NCOA1: variants seen among roughly 807,000 people sequenced by gnomAD.
NCOA1 encodes nuclear receptor coactivator 1, also known as Hin-2 protein.
A neutral mutation model predicts 150.9 loss-of-function variants in NCOA1; 35 were observed. The ratio of observed to expected loss-of-function variants is 0.23; its 90% CI spans 0.18 to 0.31. The LOEUF is 0.31. Ranked by LOEUF, NCOA1 falls within the 10% of genes least tolerant of loss-of-function variation. The pLI is 1.00. For missense variants in NCOA1, 1,491 were observed against 1,749.3 expected (o/e 0.85, Z 2.63); for synonymous variants, 590 against 630.0 (o/e 0.94, Z 0.95).
chr2:24,594,025 C>G (rs554433624), intron 3 of NCOA1, among the ~76,000 whole-genome samples: 1 of 152,040 alleles, frequency 6.6e-6, no homozygotes, highest in South Asian at 2.1e-4. Flanking sequence ...GACTAAGATC[C>G]TGATATTTGC....
rs757994575 is a variant in NCOA1, at chr2:24,729,501, G to T, written c.2887G>T (p.Gly963Trp). Residue 963 changes from glycine (G) to tryptophan (W), a missense_variant and splice_region_variant, in exon 17 of 23, where the codon GGG becomes TGG. Coordinates refer to ENST00000348332, the MANE Select transcript of NCOA1 (RefSeq NM_003743.5). The stretch of plus-strand genomic sequence containing the variant: ...AATATTCTGGCTTCTTTTCTAACAG[G>T]GGGGTGGATTAGATGTATTATCAGA... ...RALGIDKLVQ[G>W]GGLDVLSERF... The T allele has an allele frequency of 3.1e-6, 5 of 1,609,704 alleles. No individual in the cohort carries two copies. Among genetic ancestry groups the T allele is most frequent in the Admixed American group, 1.7e-5 (1 of 59,800 alleles).
At chr2:24,639,295 A>C (rs1670072855) in intron 3 of NCOA1, among the ~76,000 whole-genome samples, 1 of 152,038 alleles carries the variant, frequency 6.6e-6, no homozygotes, top group South Asian at 2.1e-4. Flanking sequence ...AAATAAAAAA[A>C]TTAATTTTTT....
At chr2:24,641,192 A>G (rs1448575660) in intron 3 of NCOA1, among the ~76,000 whole-genome samples, 3 of 151,582 alleles carry the variant, frequency 2.0e-5, no homozygotes, top group Non-Finnish European at 3.0e-5. Context: ...TTAACATTGT[A>G]ATACTTTATG....
intron 4 of NCOA1, among the ~76,000 whole-genome samples, chr2:24,651,905 A>G (rs1670727741): frequency 6.6e-6 from 1 of 152,120 alleles, no homozygotes; most frequent in South Asian, 2.1e-4. Context: ...GAGGTTGTGG[A>G]AAACTGGAAC....
At chr2:24,526,142 TG>T (rs1272589799) in intron 1 of NCOA1, among the ~76,000 whole-genome samples, 4 of 152,232 alleles carry the variant, frequency 2.6e-5, no homozygotes, top group African/African-American at 9.6e-5. Flanking sequence ...TTCTCTAATT[TG>T]TAACTCCTTT....
chr2:24,738,695 C>G (rs930314810), intron 17 of NCOA1, among the ~76,000 whole-genome samples: 1 of 152,156 alleles, frequency 6.6e-6, no homozygotes, highest in African/African-American at 2.4e-5. Flanking sequence ...GTAAATAAAT[C>G]TGTTTTACCT....
intron 1 of NCOA1, among the ~76,000 whole-genome samples, chr2:24,522,202 A>G (rs926976462): frequency 9.2e-5 from 14 of 152,178 alleles, no homozygotes; most frequent in African/African-American, 2.2e-4. Flanking sequence ...TCACCATAGT[A>G]TATACCTTCT....
chr2:24,495,780 A>G (rs954994192), intron 1 of NCOA1, among the ~76,000 whole-genome samples: 1 of 152,206 alleles, frequency 6.6e-6, no homozygotes, highest in Non-Finnish European at 1.5e-5. Context: ...ACTTAGGTTG[A>G]TGTAGCCTTG....
chr2:24,752,750 C>G (rs1331949965), intron 20 of NCOA1, among the ~76,000 whole-genome samples: 1 of 152,170 alleles, frequency 6.6e-6, no homozygotes, highest in African/African-American at 2.4e-5. Flanking sequence ...ACACAAGTTT[C>G]ACTTTTCTCG....
chr2:24,723,947 G>C (rs1674481377), intron 14 of NCOA1, among the ~76,000 whole-genome samples: 1 of 152,174 alleles, frequency 6.6e-6, no homozygotes, highest in African/African-American at 2.4e-5. Context: ...AGAGTAGAAT[G>C]TGCAAAAGCC....
In NCOA1 at chr2:24,742,137, T is replaced by C. The variant is rs1278870754; in HGVS notation, c.3657T>C (p.Thr1219=). ...MTGNIGGQFG[T]GINPQMQQNV... is the part of the protein sequence containing the mutation. ...GAAACATAGGAGGACAGTTTGGCAC[T>C]GGAATCAATCCTCAGATGCAGCAGA... Residue 1219 remains threonine, a synonymous_variant, in exon 19 of 23, where the codon ACT becomes ACC. Coordinates refer to ENST00000348332, the MANE Select transcript of NCOA1 (RefSeq NM_003743.5). 1.2e-6 allele frequency: 2 copies of C among 1,613,822 alleles called. No homozygotes were observed. Among genetic ancestry groups the C allele is most frequent in the African/African-American group, 1.3e-5 (1 of 74,940 alleles).
chr2:24,711,296 T>G, intron 14 of NCOA1, 185 bp downstream of exon 14: 3 of 553,118 alleles, frequency 5.4e-6, no homozygotes, highest in Non-Finnish European at 8.8e-6. Context: ...GTATTTTAAA[T>G]TATGACCTCT....
At chr2:24,572,454 A>G (rs1191618291) in intron 2 of NCOA1, among the ~76,000 whole-genome samples, 3 of 152,192 alleles carry the variant, frequency 2.0e-5, no homozygotes, top group Non-Finnish European at 4.4e-5. Context: ...GCCAATTGCA[A>G]AGGACGTTAT....
At chr2:24,732,267 T>C (rs1663052423) in intron 17 of NCOA1, among the ~76,000 whole-genome samples, 1 of 152,140 alleles carries the variant, frequency 6.6e-6, no homozygotes. Context: ...ATCTCATGGA[T>C]GCCTATCCAG....
chr2:24,629,817 C>CATACATAT (rs1553439183), intron 3 of NCOA1, among the ~76,000 whole-genome samples: 1 of 79,342 alleles, frequency 1.3e-5, no homozygotes, highest in African/African-American at 4.5e-5. Context: ...AACATACATA[C>CATACATAT]ATATATATAT....
At chr2:24,736,221 C>CAAAAAAAAAAAA (rs758822213) in intron 17 of NCOA1, among the ~76,000 whole-genome samples, 4 of 63,574 alleles carry the variant, frequency 6.3e-5, no homozygotes, top group African/African-American at 6.4e-5. Flanking sequence ...AACTCCGTCT[C>CAAAAAAAAAAAA]AAAAAAAAAA....
At chr2:24,596,434 G>A (rs917412176) in intron 3 of NCOA1, among the ~76,000 whole-genome samples, 1 of 152,092 alleles carries the variant, frequency 6.6e-6, no homozygotes, top group Admixed American at 6.6e-5. Flanking sequence ...TAGTCTCACA[G>A]AGTTATGAAA....
At chr2:24,691,100 T>C (rs1212175256) in intron 8 of NCOA1, among the ~76,000 whole-genome samples, 1 of 152,190 alleles carries the variant, frequency 6.6e-6, no homozygotes, top group Admixed American at 6.5e-5. Flanking sequence ...CACTTACCAA[T>C]GTACCTGTGG....
intron 5 of NCOA1, among the ~76,000 whole-genome samples, chr2:24,659,640 C>T (rs1671092361): frequency 6.6e-6 from 1 of 152,264 alleles, no homozygotes; most frequent in African/African-American, 2.4e-5. Flanking sequence ...AGCTTCCTAC[C>T]TGAGAGCAGC....
Sources: gnomAD v4.1 joint callset for allele counts (sites outside exome capture counted in the v4.1 genomes callset) on GRCh38, gnomAD v4.1.1 for gene constraint, MANE v1.5 for transcripts, NCBI Gene and HGNC (gene_info 2026-07-23, HGNC 2026-07-21) for gene names.